Variants in MAGEH1 observed in about 807,000 individuals in gnomAD.
MAGEH1 encodes the protein melanoma-associated antigen H1.
For missense variants in MAGEH1, 152 were observed against 183.0 expected, an observed-to-expected ratio of 0.83 and a Z score of 0.98; for synonymous variants, 79 against 70.3, an observed-to-expected ratio of 1.12 and a Z score of -0.62.
At position 55,452,330 on chromosome X, in the gene MAGEH1, T is replaced by C. The variant is rs2031187478; in HGVS notation, c.-45T>C. 1 of 1,093,752 alleles carries C rather than the reference T, an allele frequency of 9.1e-7. No individual in the cohort carries two copies. Among genetic ancestry groups the C allele is most frequent in the Non-Finnish European group, 1.2e-6 (1 of 829,904 alleles). 90.1% of individuals were successfully genotyped at this position (1,093,752 alleles called of 1,213,427 possible). ...TTGCTTCCTGAAGAGGCTACAAGCA[T>C]CCTTCCCTAGGACTGCTGTAAGCTT... On this transcript the variant is annotated 5_prime_UTR_variant, in exon 1 of 1. Coordinates refer to ENST00000342972, the MANE Select transcript of MAGEH1 (RefSeq NM_014061.5).
rs1374437181 is a variant in MAGEH1, at chrX:55,452,754, G to C, written c.380G>C (p.Ser127Thr). Residue 127 changes from serine (S) to threonine (T), a missense_variant, in exon 1 of 1, where the codon AGC becomes ACC. Coordinates refer to ENST00000342972, the MANE Select transcript of MAGEH1 (RefSeq NM_014061.5). Reference sequence around the variant, plus strand: ...GGAATGCAGCCTGGACGTCAGCACAGCATCTTTGGAGATCCGAAGAAGATC... The same window carrying C: ...GGAATGCAGCCTGGACGTCAGCACACCATCTTTGGAGATCCGAAGAAGATC... Reference protein sequence around the residue: ...KLGMQPGRQHSIFGDPKKIVT... With the variant: ...KLGMQPGRQHTIFGDPKKIVT... The C allele has an allele frequency of 1.7e-6, 2 of 1,209,945 alleles. No individual in the cohort carries two copies. Among genetic ancestry groups the C allele is most frequent in the East Asian group, 3.0e-5 (1 of 33,765 alleles).
rs2031186791 is a variant in MAGEH1 at position 55,452,270 on chromosome X, C to T, written c.-105C>T. The T allele has an allele frequency of 1.2e-5, 8 of 685,397 alleles. No individual in the cohort carries two copies. In the East Asian group the frequency reaches 1.9e-4, roughly 17 times the overall value. 56.5% of individuals were successfully genotyped at this position (685,397 alleles called of 1,213,427 possible). On this transcript the variant is annotated 5_prime_UTR_variant, in exon 1 of 1. Coordinates refer to ENST00000342972, the MANE Select transcript of MAGEH1 (RefSeq NM_014061.5). ...ACAAAGACTCTATTGACATTGGTAG[C>T]TTCAGCGGCAGCAGCTTCTTACGGT...
Position 55,452,210 on chromosome X carries a change from T to C in MAGEH1, c.-165T>C. 1 of 410,154 alleles carries C rather than the reference T, an allele frequency of 2.4e-6. No individual in the cohort carries two copies. The highest frequency in any genetic ancestry group is 3.8e-6 in the Non-Finnish European group (1 of 260,491). The allele number at this position is 410,154 out of a possible 1,213,427, so 33.8% of individuals were successfully genotyped here. Reference sequence around the variant, plus strand: ...CGCGCAAGTCAGCTGGCGTGGGAACTACCCTTTGTAGCTGAGAACGGCTTG... The same window carrying C: ...CGCGCAAGTCAGCTGGCGTGGGAACCACCCTTTGTAGCTGAGAACGGCTTG... On this transcript the variant is annotated 5_prime_UTR_variant, in exon 1 of 1. Transcript: ENST00000342972.
chrX:55,453,180 C>A lies in MAGEH1; in HGVS notation c.*146C>A. 2.1e-6 allele frequency: 1 copy of A among 473,135 alleles called. No homozygotes were observed. The highest frequency in any genetic ancestry group is 5.3e-5 in the South Asian group (1 of 18,947). 39.0% of individuals were successfully genotyped at this position (473,135 alleles called of 1,213,427 possible). On this transcript the variant is annotated 3_prime_UTR_variant, in exon 1 of 1. Coordinates refer to ENST00000342972, the MANE Select transcript of MAGEH1 (RefSeq NM_014061.5). The stretch of plus-strand genomic sequence containing the variant: ...TTTGTGATCAGTGATCATTGTTCAA[C>A]TGCGAAATAGAGTGTTTGCTTTTGA...
At position 55,453,417 on chromosome X, in the gene MAGEH1, C is replaced by T. The variant is rs1301436727; in HGVS notation, c.*383C>T. On this transcript the variant is annotated 3_prime_UTR_variant, in exon 1 of 1. Coordinates refer to ENST00000342972, the MANE Select transcript of MAGEH1 (RefSeq NM_014061.5). Reference sequence around the variant, plus strand: ...GCTGTTCTTTTGAAGTTGAAATACCCAGTAAAATGTTGAAGAAGGATGGAG... The same window carrying T: ...GCTGTTCTTTTGAAGTTGAAATACCTAGTAAAATGTTGAAGAAGGATGGAG... The T allele has an allele frequency of 6.9e-6, 1 of 144,466 alleles. No individual in the cohort carries two copies. Among genetic ancestry groups the T allele is most frequent in the Non-Finnish European group, 1.5e-5 (1 of 67,697 alleles). 11.9% of individuals were successfully genotyped at this position (144,466 alleles called of 1,213,427 possible).
Position 55,452,646 on chromosome X carries a change from T to C in MAGEH1, c.272T>C (p.Leu91Pro). 2 of 1,211,249 alleles carry C rather than the reference T, an allele frequency of 1.7e-6. No homozygotes were observed. The highest frequency in any genetic ancestry group is 2.2e-6 in the Non-Finnish European group (2 of 895,415). ...AATTTTCAGGGCACCAAGAAAAGTC[T>C]CCTGATGTCTATATTAGCGCTCATC... Reference protein sequence around the residue: ...RSNFQGTKKSLLMSILALIFI... With the variant: ...RSNFQGTKKSPLMSILALIFI... The change falls in exon 1 of 1, where the codon CTC (leucine) becomes CCC (proline). Residue 91 changes from leucine (L) to proline (P), a missense_variant. By Grantham distance (98) the Leu-to-Pro change is moderately conservative (BLOSUM62 -3). Coordinates refer to ENST00000342972, the MANE Select transcript of MAGEH1 (RefSeq NM_014061.5).
In MAGEH1 at chrX:55,452,664, C is replaced by T. The variant is rs1358204954; in HGVS notation, c.290C>T (p.Ala97Val). 1.7e-6 allele frequency: 2 copies of T among 1,211,678 alleles called. No individual in the cohort carries two copies. The highest frequency in any genetic ancestry group is 2.2e-5 in the Admixed American group (1 of 46,032). The change falls in exon 1 of 1, where the codon GCG (alanine) becomes GTG (valine). Residue 97 changes from alanine (A) to valine (V), a missense_variant. Coordinates refer to ENST00000342972, the MANE Select transcript of MAGEH1 (RefSeq NM_014061.5). ...AAAAGTCTCCTGATGTCTATATTAG[C>T]GCTCATCTTCATCATGGGCAACAGC... ...TKKSLLMSIL[A>V]LIFIMGNSAK...
Position 55,453,210 on chromosome X carries a change from G to A in MAGEH1, c.*176G>A, listed in dbSNP as rs2031206030. ...AAATAGAGTGTTTGCTTTTGATAAT[G>A]GAAAATTGTATTCGTTTTAAAATTC... is the stretch of plus-strand genomic sequence containing the variant. On this transcript the variant is annotated 3_prime_UTR_variant, in exon 1 of 1. Transcript: ENST00000342972. The A allele has an allele frequency of 2.6e-6, 1 of 388,509 alleles. No individual in the cohort carries two copies. Among genetic ancestry groups the A allele is most frequent in the Non-Finnish European group, 4.4e-6 (1 of 226,747 alleles). The allele number at this position is 388,509 out of a possible 1,213,427, so 32.0% of individuals were successfully genotyped here.
At position 55,452,612 on chromosome X, in the gene MAGEH1, C is replaced by T. The variant is rs761395815; in HGVS notation, c.238C>T (p.Pro80Ser). 4 of 1,209,244 alleles carry T rather than the reference C, an allele frequency of 3.3e-6. No individual in the cohort carries two copies. Among genetic ancestry groups the T allele is most frequent in the Non-Finnish European group, 4.5e-6 (4 of 895,031 alleles). ...STAQAQKPSV[P>S]RSNFQGTKKS... ...TGCCCAAGCACAAAAGCCTTCAGTGCCCCGGAGCAATTTTCAGGGCACCAA... is the reference window on the plus strand; with the variant it reads ...TGCCCAAGCACAAAAGCCTTCAGTGTCCCGGAGCAATTTTCAGGGCACCAA... Residue 80 changes from proline to serine, a missense_variant, in exon 1 of 1, where the codon CCC becomes TCC. Transcript: ENST00000342972.
chrX:55,452,358 A>G lies in MAGEH1; in HGVS notation c.-17A>G, dbSNP rs1223699569. 3.5e-6 allele frequency: 4 copies of G among 1,140,098 alleles called. No homozygotes were observed. The African/African-American group carries it at 7.4e-5, about 21-fold the overall frequency. The allele number at this position is 1,140,098 out of a possible 1,213,427, so 94.0% of individuals were successfully genotyped here. On this transcript the variant is annotated 5_prime_UTR_variant, in exon 1 of 1. Coordinates refer to ENST00000342972, the MANE Select transcript of MAGEH1 (RefSeq NM_014061.5). The stretch of plus-strand genomic sequence containing the variant: ...TTCCCTAGGACTGCTGTAAGCTTTG[A>G]GCCTCTAGCAGGAGACATGCCTCGG...
rs1360786452 is a variant in MAGEH1 at position 55,453,209 on chromosome X, T to C, written c.*175T>C. 2.5e-6 allele frequency: 1 copy of C among 392,377 alleles called. No homozygotes were observed. Among genetic ancestry groups the C allele is most frequent in the Non-Finnish European group, 4.4e-6 (1 of 228,977 alleles). 32.3% of individuals were successfully genotyped at this position (392,377 alleles called of 1,213,427 possible). A position where few individuals can be genotyped will look rare whatever the true frequency, so the allele number is the denominator to read the frequency against. On this transcript the variant is annotated 3_prime_UTR_variant, in exon 1 of 1. Coordinates refer to ENST00000342972, the MANE Select transcript of MAGEH1 (RefSeq NM_014061.5). Reference sequence around the variant, plus strand: ...GAAATAGAGTGTTTGCTTTTGATAATGGAAAATTGTATTCGTTTTAAAATT... The same window carrying C: ...GAAATAGAGTGTTTGCTTTTGATAACGGAAAATTGTATTCGTTTTAAAATT...
At position 55,453,059 on chromosome X, in the gene MAGEH1, G is replaced by A; in HGVS notation, c.*25G>A. ...AGTAGATCTGAGGCAGACCCTTGGG[G>A]GTGTAAAAGAGAGTCACAGGTACCC... On this transcript the variant is annotated 3_prime_UTR_variant, in exon 1 of 1. Coordinates refer to ENST00000342972, the MANE Select transcript of MAGEH1 (RefSeq NM_014061.5). 1 of 1,184,084 alleles carries A rather than the reference G, an allele frequency of 8.4e-7. No individual in the cohort carries two copies. Among genetic ancestry groups the A allele is most frequent in the South Asian group, 1.9e-5 (1 of 53,167 alleles).
Position 55,453,337 on chromosome X carries a change from A to G in MAGEH1, c.*303A>G. On this transcript the variant is annotated 3_prime_UTR_variant, in exon 1 of 1. Coordinates refer to ENST00000342972, the MANE Select transcript of MAGEH1 (RefSeq NM_014061.5). Reference sequence around the variant, plus strand: ...AGTATAACAGTTTTGCTAACGTTCTAAAATGAAGTCGTTCCATCATAATCT... The same window carrying G: ...AGTATAACAGTTTTGCTAACGTTCTGAAATGAAGTCGTTCCATCATAATCT... 1 of 265,571 alleles carries G rather than the reference A, an allele frequency of 3.8e-6. No homozygotes were observed. The highest frequency in any genetic ancestry group is 6.1e-5 in the Admixed American group (1 of 16,453). The allele number at this position is 265,571 out of a possible 1,213,427, so 21.9% of individuals were successfully genotyped here.
rs2031196215 is a variant in MAGEH1 at position 55,452,770 on chromosome X, G to A, written c.396G>A (p.Pro132=). The change falls in exon 1 of 1, where the codon CCG becomes CCA. Residue 132 remains proline, a synonymous_variant. Coordinates refer to ENST00000342972, the MANE Select transcript of MAGEH1 (RefSeq NM_014061.5). ...GTCAGCACAGCATCTTTGGAGATCC[G>A]AAGAAGATCGTCACAGAAGAGTTTG... ...PGRQHSIFGD[P]KKIVTEEFVR... 2 of 1,211,739 alleles carry A rather than the reference G, an allele frequency of 1.7e-6. No homozygotes were observed. Among genetic ancestry groups the A allele is most frequent in the African/African-American group, 1.7e-5 (1 of 57,753 alleles).
Position 55,453,096 on chromosome X carries a change from T to TG in MAGEH1, c.*63dup. 9.6e-7 allele frequency: 1 copy of TG among 1,041,481 alleles called. No individual in the cohort carries two copies. The highest frequency in any genetic ancestry group is 1.3e-6 in the Non-Finnish European group (1 of 763,476). 85.8% of individuals were successfully genotyped at this position (1,041,481 alleles called of 1,213,427 possible). A position where few individuals can be genotyped will look rare whatever the true frequency, so the allele number is the denominator to read the frequency against. ...AGTCACAGGTACCCCAAGGAGTAGA[T>TG]GCCAGGGTCCTAAGTTGAAAATGAT... On this transcript the variant is annotated 3_prime_UTR_variant, in exon 1 of 1. Coordinates refer to ENST00000342972, the MANE Select transcript of MAGEH1 (RefSeq NM_014061.5).
At position 55,452,509 on chromosome X, in the gene MAGEH1, A is replaced by G; in HGVS notation, c.135A>G (p.Glu45=). 8.3e-7 allele frequency: 1 copy of G among 1,209,726 alleles called. No individual in the cohort carries two copies. The highest frequency in any genetic ancestry group is 1.1e-6 in the Non-Finnish European group (1 of 894,805). ...CCTCTGTGGTAGCGAGCACCCCCGAAGACGACCTGAGCGGCCCCGAGGAAG... is the reference window on the plus strand; with the variant it reads ...CCTCTGTGGTAGCGAGCACCCCCGAGGACGACCTGAGCGGCCCCGAGGAAG... The part of the protein sequence containing the change: ...MAASVVASTP[E]DDLSGPEEDP... The change falls in exon 1 of 1, where the codon GAA becomes GAG. Residue 45 remains glutamate (E), a synonymous_variant. Transcript: ENST00000342972.
In MAGEH1 at chrX:55,453,155, T is replaced by C. The variant is rs2031204752; in HGVS notation, c.*121T>C. 5 of 586,694 alleles carry C rather than the reference T, an allele frequency of 8.5e-6. No individual in the cohort carries two copies. The East Asian group carries it at 1.1e-4, about 13-fold the overall frequency. 48.4% of individuals were successfully genotyped at this position (586,694 alleles called of 1,213,427 possible). Reference sequence around the variant, plus strand: ...GGGGCGGGGGACACTGTATTTGATATTTGTGATCAGTGATCATTGTTCAAC... The same window carrying C: ...GGGGCGGGGGACACTGTATTTGATACTTGTGATCAGTGATCATTGTTCAAC... On this transcript the variant is annotated 3_prime_UTR_variant, in exon 1 of 1. Coordinates refer to ENST00000342972, the MANE Select transcript of MAGEH1 (RefSeq NM_014061.5).
At position 55,452,308 on chromosome X, in the gene MAGEH1, C is replaced by T; in HGVS notation, c.-67C>T. On this transcript the variant is annotated 5_prime_UTR_variant, in exon 1 of 1. Transcript: ENST00000342972. ...AGCTTCTTACGGTATAAAGCTGTTGCTTCCTGAAGAGGCTACAAGCATCCT... is the reference window on the plus strand; with the variant it reads ...AGCTTCTTACGGTATAAAGCTGTTGTTTCCTGAAGAGGCTACAAGCATCCT... 1.0e-6 allele frequency: 1 copy of T among 993,836 alleles called. No homozygotes were observed. The highest frequency in any genetic ancestry group is 2.6e-5 in the South Asian group (1 of 38,230). The allele number at this position is 993,836 out of a possible 1,213,427, so 81.9% of individuals were successfully genotyped here.
At position 55,452,371 on chromosome X, in the gene MAGEH1, A is replaced by C. The variant is rs1420781352; in HGVS notation, c.-4A>C. On this transcript the variant is annotated 5_prime_UTR_variant, in exon 1 of 1. Coordinates refer to ENST00000342972, the MANE Select transcript of MAGEH1 (RefSeq NM_014061.5). ...CTGTAAGCTTTGAGCCTCTAGCAGG[A>C]GACATGCCTCGGGGACGAAAGAGTC... 4.4e-6 allele frequency: 5 copies of C among 1,149,000 alleles called. No homozygotes were observed. Among genetic ancestry groups the C allele is most frequent in the Non-Finnish European group, 5.8e-6 (5 of 868,140 alleles). The allele number at this position is 1,149,000 out of a possible 1,213,427, so 94.7% of individuals were successfully genotyped here.
Sources: allele counts gnomAD v4.1 joint callset, GRCh38; gene constraint gnomAD v4.1.1; transcripts MANE v1.5; gene names NCBI Gene and HGNC (gene_info 2026-07-23, HGNC 2026-07-21).